The following ADARB1 variants were observed in gnomAD, a reference collection of about 807,000 sequenced individuals.
The protein encoded by ADARB1 is adenosine deaminase RNA specific B1.
Under a neutral mutation model 52.4 loss-of-function variants are expected in ADARB1, and 10 were observed. The observed-to-expected ratio is 0.19, with a 90% CI of 0.12 to 0.32. The LOEUF is 0.32. ADARB1 is among the 10% of genes least tolerant of loss of function. ADARB1 has a pLI of 1.00. For missense variants in ADARB1, 643 were observed against 922.3 expected (o/e 0.70, Z 3.92); for synonymous variants, 349 against 371.1 (o/e 0.94, Z 0.68).
At chr21:45,189,865 G>A (rs150731182) in intron 8 of ADARB1, among the ~76,000 whole-genome samples, 2 of 151,746 alleles carry the variant, frequency 1.3e-5, no homozygotes, top group East Asian at 3.9e-4. Flanking sequence ...TTCACTTGAT[G>A]CTTTTAAGAT....
intron 8 of ADARB1, among the ~76,000 whole-genome samples, chr21:45,199,778 T>C (rs192348461): frequency 2.3e-4 from 35 of 152,360 alleles, no homozygotes; most frequent in Non-Finnish European, 1.5e-5. Flanking sequence ...TGATGTCTCA[T>C]GTGACCAACA....
chr21:45,220,650 G>A lies in ADARB1; in HGVS notation c.1748-186G>A, dbSNP rs926840141. 2.0e-5 allele frequency among the ~76,000 whole-genome samples: 3 copies of A among 152,220 alleles called. No individual in the cohort carries two copies. Among genetic ancestry groups the A allele is most frequent in the Admixed American group, 1.3e-4 (2 of 15,288 alleles). On this transcript the variant is annotated intron_variant, in intron 9 of 10. Coordinates refer to ENST00000348831, the MANE Select transcript of ADARB1 (RefSeq NM_001112.4). This position sits in a 1 kb window ranked among gnomAD's most constrained non-coding sequence, Gnocchi z 6.3. ...CAGCACTGCTCCTATTCTGGTGGCC[G>A]TGGAAGAGTGTGAGGCCACTGCCAC...
intron 8 of ADARB1, among the ~76,000 whole-genome samples, chr21:45,201,188 A>T (rs1417500403): frequency 6.6e-6 from 1 of 151,986 alleles, no homozygotes; most frequent in African/African-American, 2.4e-5. Flanking sequence ...TACTTGTTTT[A>T]TTTGCATGGA....
intron 2 of ADARB1, among the ~76,000 whole-genome samples, chr21:45,139,234 G>C (rs2089570420): frequency 6.6e-6 from 1 of 152,134 alleles, no homozygotes; most frequent in Non-Finnish European, 1.5e-5. Context: ...TTTGTCTTCT[G>C]TGTTACCAAA....
At chr21:45,109,326 GTA>G (rs890348966) in intron 1 of ADARB1, among the ~76,000 whole-genome samples, 5 of 152,164 alleles carry the variant, frequency 3.3e-5, no homozygotes, top group African/African-American at 1.2e-4. Flanking sequence ...GCGCGTGTGC[GTA>G]TATGTGTGTG....
At chr21:45,144,377 G>T (rs2089903891) in intron 2 of ADARB1, among the ~76,000 whole-genome samples, 1 of 152,178 alleles carries the variant, frequency 6.6e-6, no homozygotes. Context: ...ATGGTGTATG[G>T]CTATTTGTGA....
chr21:45,093,632 G>A (rs570272102), intron 1 of ADARB1, among the ~76,000 whole-genome samples: 7 of 152,184 alleles, frequency 4.6e-5, no homozygotes, highest in Non-Finnish European at 1.0e-4. Context: ...CCCTTTGACT[G>A]TGTGCCCGGA....
intron 1 of ADARB1, among the ~76,000 whole-genome samples, chr21:45,111,899 C>T (rs956000050): frequency 1.3e-5 from 2 of 152,214 alleles, no homozygotes; most frequent in East Asian, 1.9e-4. Flanking sequence ...TGTGAGCACA[C>T]GCACTTCAGC....
chr21:45,141,664 A>G (rs1487952598), intron 2 of ADARB1, among the ~76,000 whole-genome samples: 3 of 150,544 alleles, frequency 2.0e-5, no homozygotes, highest in Non-Finnish European at 4.4e-5. Context: ...CACCCCAGGG[A>G]CACCTTAGCC....
chr21:45,174,957 G>A (rs1461174694), intron 3 of ADARB1, among the ~76,000 whole-genome samples: 3 of 152,130 alleles, frequency 2.0e-5, no homozygotes, highest in Admixed American at 2.0e-4. Flanking sequence ...TCAGTTTTGT[G>A]TCTTGTTCTT....
intron 1 of ADARB1, chr21:45,117,001 G>T (rs1299153580): frequency 6.6e-6 from 1 of 151,920 alleles, no homozygotes; most frequent in African/African-American, 2.4e-5. Context: ...ACAAGATGTT[G>T]TACAAATTAG....
At chr21:45,150,592 C>T (rs534589023) in intron 2 of ADARB1, among the ~76,000 whole-genome samples, 3 of 152,240 alleles carry the variant, frequency 2.0e-5, no homozygotes, top group South Asian at 2.1e-4. Context: ...GACATGGATC[C>T]TGAGTCTTAC....
intron 2 of ADARB1, among the ~76,000 whole-genome samples, chr21:45,162,516 C>T (rs1220580267): frequency 1.3e-5 from 2 of 152,132 alleles, no homozygotes; most frequent in East Asian, 1.9e-4. Context: ...AAGCAAAACT[C>T]GGGTAAAGGC....
At chr21:45,198,671 T>C (rs554792499) in intron 8 of ADARB1, among the ~76,000 whole-genome samples, 141 of 152,204 alleles carry the variant, frequency 9.3e-4, no homozygotes, top group African/African-American at 3.2e-3. Context: ...TTTCCAAGGA[T>C]AGAAAAGTAG....
At position 45,151,546 on chromosome 21, in the gene ADARB1, C is replaced by A. The variant is rs73384733; in HGVS notation, c.-47-20064C>A. ...GTGCTTCTTCTGCTTGACTCCTCCC[C>A]ATAATCGGACTCCTTCCAAGACAGC... is the stretch of plus-strand genomic sequence containing the variant. On this transcript the variant is annotated intron_variant, in intron 2 of 10. Coordinates refer to ENST00000348831, the MANE Select transcript of ADARB1 (RefSeq NM_001112.4). 2.7e-3 allele frequency among the ~76,000 whole-genome samples: 410 copies of A among 152,258 alleles called. 5 individuals carry two copies. Among genetic ancestry groups the A allele is most frequent in the African/African-American group, 9.3e-3 (387 of 41,536 alleles).
At chr21:45,166,236 T>C (rs535359872) in intron 2 of ADARB1, among the ~76,000 whole-genome samples, 10 of 152,314 alleles carry the variant, frequency 6.6e-5, no homozygotes, top group Admixed American at 2.6e-4. Flanking sequence ...AATGTATCTA[T>C]AAAAAGGTAT....
rs553883130 is a variant in ADARB1, at chr21:45,167,373, C to T, written c.-47-4237C>T. Reference sequence around the variant, plus strand: ...TCCCAGAAATCTGAGAGAAGTCAGCCTTCTCAGGCAAACCAATTATTGATT... The same window carrying T: ...TCCCAGAAATCTGAGAGAAGTCAGCTTTCTCAGGCAAACCAATTATTGATT... On this transcript the variant is annotated intron_variant, in intron 2 of 10. Coordinates refer to ENST00000348831, the MANE Select transcript of ADARB1 (RefSeq NM_001112.4). Among the ~76,000 whole-genome samples, 13 of 152,308 alleles carry T rather than the reference C, an allele frequency of 8.5e-5. No individual in the cohort carries two copies. In the East Asian group the frequency reaches 2.3e-3, roughly 27 times the overall value.
chr21:45,094,951 C>G (rs1000748405), intron 1 of ADARB1, among the ~76,000 whole-genome samples: 1 of 152,208 alleles, frequency 6.6e-6, no homozygotes, highest in Non-Finnish European at 1.5e-5. Flanking sequence ...CCTCATTCTG[C>G]TGCCCATGTG....
intron 1 of ADARB1, among the ~76,000 whole-genome samples, chr21:45,109,377 T>A (rs1244361479): frequency 6.6e-6 from 1 of 152,232 alleles, no homozygotes; most frequent in Non-Finnish European, 1.5e-5. Context: ...CACCACCGAG[T>A]TGTCATGAAT....
Sources: gnomAD v4.1 joint callset for allele counts (sites outside exome capture counted in the v4.1 genomes callset) on GRCh38, gnomAD v4.1.1 for gene constraint, Gnocchi (gnomAD v3.1) non-coding constraint, MANE v1.5 for transcripts, NCBI Gene and HGNC (gene_info 2026-07-23, HGNC 2026-07-21) for gene names.